Variants in PTPRG observed in about 807,000 individuals in gnomAD.
PTPRG encodes the protein receptor-type tyrosine-protein phosphatase gamma.
PTPRG carries 102 observed loss-of-function variants against 165.3 expected under a neutral mutation model. The observed-to-expected ratio is 0.62, with a 90% CI of 0.53 to 0.73. The LOEUF (loss-of-function observed/expected upper bound fraction) is 0.73, where lower values mean the gene tolerates loss of function less well. PTPRG is among the 30% of genes least tolerant of loss of function. PTPRG has a pLI of 0.00. For synonymous variants in PTPRG, 675 were observed against 669.5 expected (o/e 1.01, Z -0.13); for missense variants, 1,866 against 1,861.4 (o/e 1.00, Z -0.05).
chr3:61,759,216 C>A (rs2033748841), intron 2 of PTPRG, among the ~76,000 whole-genome samples: 1 of 152,116 alleles, frequency 6.6e-6, no homozygotes, highest in African/African-American at 2.4e-5. Flanking sequence ...TACTTTAAGG[C>A]CCATTTTCTG....
chr3:62,285,584 G>A (rs948508540), intron 28 of PTPRG, among the ~76,000 whole-genome samples: 1 of 150,208 alleles, frequency 6.7e-6, no homozygotes, highest in African/African-American at 2.5e-5. Flanking sequence ...AGTGAGCTAA[G>A]AATAAAATTC....
chr3:61,563,016 G>C (rs982022351), intron 1 of PTPRG, among the ~76,000 whole-genome samples: 1 of 152,104 alleles, frequency 6.6e-6, no homozygotes, highest in African/African-American at 2.4e-5. Context: ...CTTGGGCGCA[G>C]TGAGACGGCA....
intron 1 of PTPRG, among the ~76,000 whole-genome samples, chr3:61,605,374 G>T (rs899929401): frequency 4.6e-5 from 7 of 151,802 alleles, no homozygotes; most frequent in Non-Finnish European, 1.0e-4. Context: ...TCCTGCCTCA[G>T]CCTCCTGAGT....
At chr3:61,676,976 G>A (rs1703255143) in intron 1 of PTPRG, among the ~76,000 whole-genome samples, 1 of 152,142 alleles carries the variant, frequency 6.6e-6, no homozygotes, top group Admixed American at 6.5e-5. Context: ...GCCAAGCATG[G>A]TGGCTCAGGC....
intron 2 of PTPRG, among the ~76,000 whole-genome samples, chr3:61,774,712 C>T (rs76326833): frequency 0.021 from 3,211 of 152,288 alleles, 61 homozygotes; most frequent in Non-Finnish European, 0.031. Context: ...TGGATTAGTG[C>T]ATGCAGGCAG....
chr3:61,781,945 G>T (rs1396534496), intron 2 of PTPRG, among the ~76,000 whole-genome samples: 1 of 150,218 alleles, frequency 6.7e-6, no homozygotes, highest in African/African-American at 2.5e-5. Flanking sequence ...TTCCCAGGGT[G>T]GTCTTGAACT....
chr3:61,654,466 C>T (rs1038298085), intron 1 of PTPRG, among the ~76,000 whole-genome samples: 7 of 152,022 alleles, frequency 4.6e-5, no homozygotes, highest in African/African-American at 7.2e-5. Flanking sequence ...CTGACTGCAG[C>T]CTCCGCCTCC....
rs572040051 is a variant in PTPRG, at chr3:61,839,470, C to T, written c.190+90488C>T. 3.3e-5 allele frequency among the ~76,000 whole-genome samples: 5 copies of T among 152,282 alleles called. No individual in the cohort carries two copies. In the South Asian group the frequency reaches 1.0e-3, roughly 32 times the overall value. On this transcript the variant is annotated intron_variant, in intron 2 of 29. Transcript: ENST00000474889. ...CTAAAGTAAAATAGTTAATATTCTT[C>T]AGCTGCTAGAAGGCTGGAATTTCTG...
chr3:61,819,210 TCAAC>T (rs2035883423), intron 2 of PTPRG, among the ~76,000 whole-genome samples: 1 of 152,178 alleles, frequency 6.6e-6, no homozygotes, highest in Non-Finnish European at 1.5e-5. Context: ...AAAATGGTCT[TCAAC>T]TATGAAGATC....
At chr3:61,725,566 A>G (rs958607125) in intron 1 of PTPRG, among the ~76,000 whole-genome samples, 6 of 152,038 alleles carry the variant, frequency 3.9e-5, no homozygotes, top group Non-Finnish European at 8.8e-5. Flanking sequence ...ATTGATCTTT[A>G]TGCCTGAATC....
At chr3:61,851,709 T>C (rs1313513476) in intron 2 of PTPRG, among the ~76,000 whole-genome samples, 1 of 152,188 alleles carries the variant, frequency 6.6e-6, no homozygotes, top group East Asian at 1.9e-4. Flanking sequence ...CTTGGAATTA[T>C]TAGACTTTTC....
intron 2 of PTPRG, among the ~76,000 whole-genome samples, chr3:61,903,787 G>T (rs2038564768): frequency 6.6e-6 from 1 of 152,186 alleles, no homozygotes; most frequent in African/African-American, 2.4e-5. Context: ...AACATATAGT[G>T]TGTATATTAA....
chr3:61,966,474 G>T (rs895702000), intron 2 of PTPRG, among the ~76,000 whole-genome samples: 1 of 152,122 alleles, frequency 6.6e-6, no homozygotes, highest in African/African-American at 2.4e-5. Flanking sequence ...CCATACCATT[G>T]TTTTACAATG....
At chr3:61,831,111 A>G (rs556712537) in intron 2 of PTPRG, among the ~76,000 whole-genome samples, 2 of 152,344 alleles carry the variant, frequency 1.3e-5, no homozygotes, top group South Asian at 4.1e-4. Context: ...ATATTCCTTT[A>G]GTGATCCATC....
intron 2 of PTPRG, among the ~76,000 whole-genome samples, chr3:61,956,210 C>A (rs1365297038): frequency 6.6e-6 from 1 of 151,920 alleles, no homozygotes; most frequent in Non-Finnish European, 1.5e-5. Context: ...AATTTTCATT[C>A]CGTTAATTAC....
chr3:61,906,761 G>C (rs2038666530), intron 2 of PTPRG, among the ~76,000 whole-genome samples: 1 of 151,002 alleles, frequency 6.6e-6, no homozygotes, highest in Admixed American at 6.6e-5. Flanking sequence ...GCTGGGCTGG[G>C]AGACAGAGTG....
Position 62,237,146 on chromosome 3 carries a change from G to C in PTPRG, c.2375+5835G>C, listed in dbSNP as rs1477513180. Among the ~76,000 whole-genome samples, 1 of 152,142 alleles carries C rather than the reference G, an allele frequency of 6.6e-6. No individual in the cohort carries two copies. The highest frequency in any genetic ancestry group is 1.5e-5 in the Non-Finnish European group (1 of 68,034). On this transcript the variant is annotated intron_variant, in intron 14 of 29. Coordinates refer to ENST00000474889, the MANE Select transcript of PTPRG (RefSeq NM_002841.4). The surrounding 1 kb of genome is among the most constrained non-coding windows in gnomAD (Gnocchi z 4.5). ...GGGCAGAAAAAGATATAAGAAAATT[G>C]TTAGCTCATATCAGAGGTTATCTAA...
intron 2 of PTPRG, among the ~76,000 whole-genome samples, chr3:61,957,305 C>T (rs183861728): frequency 2.0e-5 from 3 of 152,264 alleles, no homozygotes; most frequent in African/African-American, 7.2e-5. Context: ...AACAGTGAGA[C>T]CACAGTGAAT....
At chr3:61,572,216 A>G (rs1045871560) in intron 1 of PTPRG, among the ~76,000 whole-genome samples, 2 of 152,206 alleles carry the variant, frequency 1.3e-5, no homozygotes, top group Admixed American at 1.3e-4. Context: ...AACTTGGTTA[A>G]TGGAATGCCT....
Sources: allele counts gnomAD v4.1 joint callset (sites outside exome capture counted in the v4.1 genomes callset), GRCh38; gene constraint gnomAD v4.1.1; non-coding constraint Gnocchi (gnomAD v3.1); transcripts MANE v1.5; gene names NCBI Gene and HGNC (gene_info 2026-07-23, HGNC 2026-07-21).